The following PLCXD2 variants were observed in gnomAD, a reference collection of about 807,000 sequenced individuals.
PLCXD2 encodes the protein PI-PLC X domain-containing protein 2.
In PLCXD2, 21 loss-of-function variants were observed where a neutral mutation model predicts 28.6. That is an observed-to-expected ratio of 0.73 (90% CI 0.52 to 1.06). The LOEUF (loss-of-function observed/expected upper bound fraction) is 1.06, where lower values mean the gene tolerates loss of function less well. PLCXD2 is among the 50% of genes least tolerant of loss of function. PLCXD2 has a pLI of 0.00. For missense variants in PLCXD2, 369 were observed against 376.7 expected, an observed-to-expected ratio of 0.98 and a Z score of 0.17; for synonymous variants, 140 against 150.1, an observed-to-expected ratio of 0.93 and a Z score of 0.49.
At chr3:111,693,611 G>T (rs925131813) in intron 1 of PLCXD2, among the ~76,000 whole-genome samples, 2 of 152,142 alleles carry the variant, frequency 1.3e-5, no homozygotes, top group Non-Finnish European at 1.5e-5. Flanking sequence ...TCTACTTCAT[G>T]CTTTTGTGAC....
intron 1 of PLCXD2, among the ~76,000 whole-genome samples, chr3:111,698,977 C>T (rs1941003675): frequency 6.6e-6 from 1 of 152,136 alleles, no homozygotes; most frequent in Admixed American, 6.6e-5. Flanking sequence ...TGCCTAAAGG[C>T]ACAGATACAC....
Position 111,714,067 on chromosome 3 carries a change from C to T in PLCXD2, c.805C>T (p.Pro269Ser), listed in dbSNP as rs776771655. The T allele has an allele frequency of 6.2e-7, 1 of 1,614,148 alleles. No individual in the cohort carries two copies. The highest frequency in any genetic ancestry group is 8.5e-7 in the Non-Finnish European group (1 of 1,180,028). The change falls in exon 3 of 5, where the codon CCC (proline) becomes TCC (serine). Residue 269 changes from proline to serine, a missense_variant. Pro to Ser is a moderately conservative substitution (Grantham distance 74). Coordinates refer to ENST00000477665, the MANE Select transcript of PLCXD2 (RefSeq NM_001185106.1). The stretch of plus-strand genomic sequence containing the variant: ...CCATGTCTCCCAAGCGATCCTCACC[C>T]CCAGAGTGAAGACCATTGCCCGGGG...
intron 1 of PLCXD2, among the ~76,000 whole-genome samples, chr3:111,707,062 A>T (rs1387284709): frequency 6.6e-6 from 1 of 152,218 alleles, no homozygotes; most frequent in Non-Finnish European, 1.5e-5. Context: ...CTTAATCTGC[A>T]CTATAGACCA....
chr3:111,725,447 AT>A (rs1941403127), intron 3 of PLCXD2: 1 of 392,522 alleles, frequency 2.5e-6, no homozygotes, highest in South Asian at 1.4e-4. Flanking sequence ...TTTACCCTTA[AT>A]TTCAAATGAT....
intron 3 of PLCXD2, chr3:111,725,727 C>A: frequency 2.5e-6 from 1 of 398,566 alleles, no homozygotes; most frequent in Non-Finnish European, 4.4e-6. Context: ...AAACTCATTT[C>A]TAAGCCAAAT....
chr3:111,713,805 C>G (rs1318549053), intron 2 of PLCXD2, 82 bp from the exon 3 acceptor site: 1 of 1,450,092 alleles, frequency 6.9e-7, no homozygotes, highest in African/African-American at 1.4e-5. Context: ...TTGCCTTTTT[C>G]CTAGCAGTCC....
At chr3:111,702,081 G>A (rs1220807655) in intron 1 of PLCXD2, among the ~76,000 whole-genome samples, 2 of 152,142 alleles carry the variant, frequency 1.3e-5, no homozygotes, top group Non-Finnish European at 2.9e-5. Context: ...GTGGTAAACT[G>A]GGGAGTGGGA....
At chr3:111,688,534 A>G (rs936904078) in intron 1 of PLCXD2, among the ~76,000 whole-genome samples, 1 of 152,250 alleles carries the variant, frequency 6.6e-6, no homozygotes, top group African/African-American at 2.4e-5. Context: ...CTGGTCTTCC[A>G]CATGGCTGAC....
chr3:111,725,281 T>C (rs928603157), intron 3 of PLCXD2: 8 of 225,142 alleles, frequency 3.6e-5, no homozygotes, highest in Admixed American at 1.7e-4. Flanking sequence ...GCATAGAACA[T>C]GGTTGTCTTC....
At chr3:111,688,317 C>A (rs539584595) in intron 1 of PLCXD2, among the ~76,000 whole-genome samples, 2 of 152,332 alleles carry the variant, frequency 1.3e-5, no homozygotes, top group South Asian at 4.1e-4. Flanking sequence ...CTCATAGTTA[C>A]TGTTTATTGC....
chr3:111,696,397 A>G (rs1322373659), intron 1 of PLCXD2, among the ~76,000 whole-genome samples: 2 of 152,152 alleles, frequency 1.3e-5, no homozygotes, highest in Non-Finnish European at 2.9e-5. Context: ...TGGGCAGGGA[A>G]GAGTCTTTGC....
chr3:111,684,515 A>C (rs898486004), intron 1 of PLCXD2, among the ~76,000 whole-genome samples: 2 of 151,858 alleles, frequency 1.3e-5, no homozygotes, highest in Non-Finnish European at 1.5e-5. Flanking sequence ...TTAGCCAGGC[A>C]TGATGGCGGG....
chr3:111,712,889 A>G (rs969452477), intron 2 of PLCXD2, among the ~76,000 whole-genome samples: 1 of 152,220 alleles, frequency 6.6e-6, no homozygotes, highest in Non-Finnish European at 1.5e-5. Context: ...GCAGTTTCCT[A>G]TCCCACAGCT....
At chr3:111,718,957 A>G (rs1327235810) in intron 3 of PLCXD2, among the ~76,000 whole-genome samples, 1 of 152,240 alleles carries the variant, frequency 6.6e-6, no homozygotes, top group African/African-American at 2.4e-5. Flanking sequence ...TTTGATTAAT[A>G]AAATGAGACT....
chr3:111,721,745 G>T (rs1391677654), intron 3 of PLCXD2: 1 of 152,188 alleles, frequency 6.6e-6, no homozygotes, highest in African/African-American at 2.4e-5. Context: ...GCATCATTTT[G>T]GCAAAGTCCT....
intron 1 of PLCXD2, among the ~76,000 whole-genome samples, chr3:111,678,427 A>G (rs1387314676): frequency 6.6e-6 from 1 of 152,228 alleles, no homozygotes; most frequent in East Asian, 1.9e-4. Flanking sequence ...ATTTTTGTAA[A>G]AGCGTGATAT....
chr3:111,694,390 G>C (rs1940932216), intron 1 of PLCXD2, among the ~76,000 whole-genome samples: 1 of 152,142 alleles, frequency 6.6e-6, no homozygotes, highest in South Asian at 2.1e-4. Flanking sequence ...GCTTAGAGGA[G>C]AGTGGTGATT....
intron 3 of PLCXD2, chr3:111,725,757 C>T (rs1189698680): frequency 7.5e-6 from 3 of 398,258 alleles, no homozygotes; most frequent in African/African-American, 4.1e-5. Flanking sequence ...AAATATTTAC[C>T]CTTATATTTG....
chr3:111,713,930 T>C lies in PLCXD2; in HGVS notation c.668T>C (p.Phe223Ser). 6.2e-7 allele frequency: 1 copy of C among 1,614,142 alleles called. No homozygotes were observed. Residue 223 changes from phenylalanine (F) to serine (S), a missense_variant, in exon 3 of 5, where the codon TTC becomes TCC. Transcript: ENST00000477665. ...TGTCCCTTCTACAAGCAGTACCCCT[T>C]CCTGTGGCCAGGAAAGAAGATTCCA...
Sources: allele counts gnomAD v4.1 joint callset (sites outside exome capture counted in the v4.1 genomes callset), GRCh38; gene constraint gnomAD v4.1.1; transcripts MANE v1.5; gene names NCBI Gene and HGNC (gene_info 2026-07-23, HGNC 2026-07-21).